Variants in NHERF2 observed in about 807,000 individuals in gnomAD.
The protein encoded by NHERF2 is Na(+)/H(+) exchange regulatory cofactor NHE-RF2.
At chr16:2,028,259 C>T in the NHERF2 span, among the ~76,000 whole-genome samples, 4 of 152,224 alleles carry the variant, frequency 2.6e-5, no homozygotes, top group Admixed American at 6.5e-5. Flanking sequence ...GTCACTCTGT[C>T]GGCCGGCCCC....
chr16:2,038,253 CAG>C, the NHERF2 span: 23 of 579,744 alleles, frequency 4.0e-5, no homozygotes, highest in Admixed American at 2.1e-4. Context: ...CAGAGAGAGA[CAG>C]AGAGAGAGCG....
chr16:2,027,081 C>T, the NHERF2 span: 1 of 1,454,142 alleles, frequency 6.9e-7, no homozygotes, highest in Non-Finnish European at 9.0e-7. Context: ...CTTCCACCTG[C>T]ACGGCGAGAA....
the NHERF2 span, chr16:2,035,395 G>T: frequency 9.2e-6 from 9 of 981,446 alleles, no homozygotes; most frequent in Non-Finnish European, 1.1e-5. Flanking sequence ...CCCCAGCCCT[G>T]GCCTGGCCTG....
chr16:2,028,632 G>T, the NHERF2 span, among the ~76,000 whole-genome samples: 2 of 152,154 alleles, frequency 1.3e-5, no homozygotes, highest in Admixed American at 1.3e-4. Flanking sequence ...GTCTCACTCT[G>T]GGTCATGGGG....
At chr16:2,038,260 A>AGAGC in the NHERF2 span, 10 of 566,050 alleles carry the variant, frequency 1.8e-5, no homozygotes, top group East Asian at 9.4e-5. Flanking sequence ...AGACAGAGAG[A>AGAGC]GAGCGAGCGA....
the NHERF2 span, chr16:2,036,318 C>A: frequency 1.9e-6 from 3 of 1,603,516 alleles, no homozygotes; most frequent in South Asian, 3.3e-5. Flanking sequence ...TCCGTTGGGC[C>A]TGCAGGATGT....
the NHERF2 span, chr16:2,032,710 A>T: frequency 1.5e-6 from 1 of 651,902 alleles, no homozygotes; most frequent in Non-Finnish European, 1.9e-6. This position sits in a 1 kb window ranked among gnomAD's most constrained non-coding sequence, Gnocchi z 4.0. Context: ...GTTAGTGATG[A>T]CTCAGCCCTG....
the NHERF2 span, chr16:2,036,642 G>T: frequency 3.8e-6 from 6 of 1,566,590 alleles, no homozygotes; most frequent in Non-Finnish European, 4.3e-6. Context: ...CGGTGGCTGT[G>T]ATGAATATTT....
the NHERF2 span, among the ~76,000 whole-genome samples, chr16:2,030,193 C>T: frequency 3.9e-5 from 6 of 152,320 alleles, no homozygotes; most frequent in Middle Eastern, 3.4e-3. Context: ...CTGTTGAAGG[C>T]GCCTGCATGC....
chr16:2,029,135 G>A, the NHERF2 span, among the ~76,000 whole-genome samples: 1 of 152,238 alleles, frequency 6.6e-6, no homozygotes, highest in Non-Finnish European at 1.5e-5. Flanking sequence ...CTGGGGCCCA[G>A]GGAGACACAC....
chr16:2,037,475 CAT>C, the NHERF2 span: 47 of 1,426,082 alleles, frequency 3.3e-5, no homozygotes, highest in Admixed American at 5.8e-5. Flanking sequence ...CCTCTGTGCA[CAT>C]GTGTGCGTGT....
At chr16:2,035,754 C>G in the NHERF2 span, 8 of 877,494 alleles carry the variant, frequency 9.1e-6, no homozygotes, top group Non-Finnish European at 1.1e-5. Flanking sequence ...AGGAGGCCCT[C>G]TGTGCCCTGT....
the NHERF2 span, chr16:2,037,719 C>G: frequency 7.7e-6 from 12 of 1,551,312 alleles, no homozygotes; most frequent in Non-Finnish European, 1.0e-5. Context: ...CTCGTGAGCC[C>G]CAGCCCCAGC....
the NHERF2 span, chr16:2,037,457 G>T: frequency 1.2e-5 from 15 of 1,260,358 alleles, no homozygotes; most frequent in African/African-American, 1.2e-4. Context: ...ACACTGGGGG[G>T]GGGTGTGCCT....
At chr16:2,035,328 G>A in the NHERF2 span, 2 of 876,894 alleles carry the variant, frequency 2.3e-6, no homozygotes, top group Non-Finnish European at 2.7e-6. Flanking sequence ...GGGGTTGGGG[G>A]TGTCTGAGGC....
chr16:2,033,516 C>A, the NHERF2 span: 1 of 1,361,172 alleles, frequency 7.3e-7, no homozygotes, highest in Non-Finnish European at 9.9e-7. Flanking sequence ...GACTCCGGGA[C>A]CTTGATGTAA....
At chr16:2,028,802 T>C in the NHERF2 span, among the ~76,000 whole-genome samples, 1 of 152,178 alleles carries the variant, frequency 6.6e-6, no homozygotes, top group Non-Finnish European at 1.5e-5. Context: ...CAGTGGGCAC[T>C]GCTTTCTCTC....
At chr16:2,033,417 C>T in the NHERF2 span, 1 of 1,533,536 alleles carries the variant, frequency 6.5e-7, no homozygotes, top group South Asian at 1.2e-5. Flanking sequence ...GGAGCCCACC[C>T]CAGAGGCTGG....
At chr16:2,029,279 G>A in the NHERF2 span, among the ~76,000 whole-genome samples, 1 of 152,192 alleles carries the variant, frequency 6.6e-6, no homozygotes, top group South Asian at 2.1e-4. Flanking sequence ...CTTACCCAGC[G>A]GCCCTATCCT....
Sources: gnomAD v4.1 joint callset for allele counts (sites outside exome capture counted in the v4.1 genomes callset) on GRCh38, gnomAD v4.1.1 for gene constraint, Gnocchi (gnomAD v3.1) non-coding constraint, MANE v1.5 for transcripts, NCBI Gene and HGNC (gene_info 2026-07-23, HGNC 2026-07-21) for gene names.